The following EPHA6 variants were observed in gnomAD, a reference collection of about 807,000 sequenced individuals.
EPHA6 encodes EPH receptor A6.
Under a neutral mutation model 112.0 loss-of-function variants are expected in EPHA6, and 50 were observed. The ratio of observed to expected loss-of-function variants is 0.45; its 90% CI spans 0.36 to 0.56. The LOEUF (loss-of-function observed/expected upper bound fraction) is 0.56. Ranked by LOEUF, EPHA6 falls within the 20% of genes least tolerant of loss-of-function variation. The pLI is 0.00. For synonymous variants in EPHA6, 529 were observed against 490.7 expected (o/e 1.08, Z -1.03); for missense variants, 1,280 against 1,417.4 (o/e 0.90, Z 1.56).
intron 14 of EPHA6, among the ~76,000 whole-genome samples, chr3:97,687,513 T>C (rs2032342218): frequency 6.6e-6 from 1 of 152,222 alleles, no homozygotes; most frequent in African/African-American, 2.4e-5. Context: ...AGTCTCTATT[T>C]CAGAATGAGA....
chr3:97,310,627 T>C (rs948845435), intron 5 of EPHA6, among the ~76,000 whole-genome samples: 1 of 151,546 alleles, frequency 6.6e-6, no homozygotes, highest in Non-Finnish European at 1.5e-5. Flanking sequence ...GTCAGTTATC[T>C]CAAATGAGAG....
intron 11 of EPHA6, among the ~76,000 whole-genome samples, chr3:97,591,232 T>C (rs2093541465): frequency 6.6e-6 from 1 of 152,226 alleles, no homozygotes; most frequent in Non-Finnish European, 1.5e-5. Context: ...AACTTTGCTC[T>C]TTCATGAAAA....
At chr3:97,567,398 T>C (rs1010508001) in intron 11 of EPHA6, among the ~76,000 whole-genome samples, 2 of 152,072 alleles carry the variant, frequency 1.3e-5, no homozygotes, top group African/African-American at 4.8e-5. Context: ...AAAAAATCAA[T>C]GTTATCTATA....
chr3:97,115,998 C>T (rs1472956592), intron 3 of EPHA6, among the ~76,000 whole-genome samples: 1 of 151,626 alleles, frequency 6.6e-6, no homozygotes, highest in African/African-American at 2.4e-5. Context: ...ATTTTTGTCC[C>T]AAAGGCAAAC....
At chr3:97,577,139 T>C (rs2093394474) in intron 11 of EPHA6, among the ~76,000 whole-genome samples, 1 of 152,202 alleles carries the variant, frequency 6.6e-6, no homozygotes, top group African/African-American at 2.4e-5. Context: ...CCTCCCAAAA[T>C]GCTGGGACTA....
chr3:97,526,217 C>T (rs1157221687), intron 10 of EPHA6, among the ~76,000 whole-genome samples: 3 of 152,186 alleles, frequency 2.0e-5, no homozygotes, highest in Non-Finnish European at 4.4e-5. Flanking sequence ...CACTGTGGGA[C>T]ATGCCTTCTT....
intron 3 of EPHA6, among the ~76,000 whole-genome samples, chr3:97,191,394 T>G (rs550659058): frequency 5.9e-5 from 9 of 152,192 alleles, no homozygotes; most frequent in Admixed American, 5.9e-4. Context: ...CCTGTTGTGC[T>G]ATCAAATACT....
At chr3:97,633,374 C>T (rs1204405482) in intron 13 of EPHA6, among the ~76,000 whole-genome samples, 1 of 152,034 alleles carries the variant, frequency 6.6e-6, no homozygotes, top group Admixed American at 6.6e-5. Context: ...CACTCTCTTT[C>T]ATTTGAATCT....
intron 11 of EPHA6, among the ~76,000 whole-genome samples, chr3:97,550,575 A>T (rs2093015978): frequency 6.6e-6 from 1 of 152,180 alleles, no homozygotes; most frequent in South Asian, 2.1e-4. Flanking sequence ...CAAGGAAAAC[A>T]CTGGGAAGAC....
intron 3 of EPHA6, among the ~76,000 whole-genome samples, chr3:97,032,605 G>T (rs1224414910): frequency 6.6e-6 from 1 of 151,978 alleles, no homozygotes; most frequent in African/African-American, 2.4e-5. Context: ...GACCTTAAGA[G>T]TGGGCTTTTG....
At position 97,645,023 on chromosome 3, in the gene EPHA6, A is replaced by C. The variant is rs1036060457; in HGVS notation, c.2784+6941A>C. 4.6e-5 allele frequency among the ~76,000 whole-genome samples: 7 copies of C among 152,044 alleles called. 1 individual carries two copies. The highest frequency in any genetic ancestry group is 3.3e-4 in the Admixed American group (5 of 15,268). On this transcript the variant is annotated intron_variant, in intron 14 of 17. Transcript: ENST00000389672. ...AGACCAATATCCTTGATGAACATTG[A>C]TGCAAAAATCCTCAATAAAATACTG...
chr3:97,092,024 G>T (rs767823230), intron 3 of EPHA6, among the ~76,000 whole-genome samples: 1 of 150,296 alleles, frequency 6.7e-6, no homozygotes, highest in Non-Finnish European at 1.5e-5. Flanking sequence ...GGAACTTGGT[G>T]TACTGGAATA....
intron 5 of EPHA6, among the ~76,000 whole-genome samples, chr3:97,384,846 T>C (rs2085965906): frequency 1.3e-5 from 2 of 152,162 alleles, no homozygotes; most frequent in Admixed American, 1.3e-4. Context: ...TATCAACATC[T>C]TGAAGAACTC....
chr3:97,738,779 G>C (rs542119758), intron 16 of EPHA6, among the ~76,000 whole-genome samples: 1 of 152,062 alleles, frequency 6.6e-6, no homozygotes, highest in South Asian at 2.1e-4. Flanking sequence ...AAACCAAATT[G>C]AAGTTTTTGT....
chr3:97,056,107 C>T (rs1162502706), intron 3 of EPHA6, among the ~76,000 whole-genome samples: 1 of 152,030 alleles, frequency 6.6e-6, no homozygotes, highest in Admixed American at 6.6e-5. Context: ...TAGAGAAAAT[C>T]GAGATTAATG....
At chr3:97,564,077 A>G (rs2093227981) in intron 11 of EPHA6, among the ~76,000 whole-genome samples, 1 of 152,154 alleles carries the variant, frequency 6.6e-6, no homozygotes, top group South Asian at 2.1e-4. Context: ...AAGTGTGAAT[A>G]TGAAAAGCGT....
In EPHA6 at chr3:97,534,459, C is replaced by T. The variant is rs200474039; in HGVS notation, c.2386+1916C>T. ...TGTCTCACTTTAAAACCCACCCCCCCCTTTTTTTTTTTTTGCTTTTGCTAT... is the reference window on the plus strand; with the variant it reads ...TGTCTCACTTTAAAACCCACCCCCCTCTTTTTTTTTTTTTGCTTTTGCTAT... On this transcript the variant is annotated intron_variant, in intron 11 of 17. Transcript: ENST00000389672. 2.2e-3 allele frequency among the ~76,000 whole-genome samples: 336 copies of T among 149,686 alleles called. 5 individuals carry two copies. The highest frequency in any genetic ancestry group is 8.0e-3 in the African/African-American group (325 of 40,476).
intron 11 of EPHA6, among the ~76,000 whole-genome samples, chr3:97,583,268 G>C (rs1249941911): frequency 6.6e-6 from 1 of 151,892 alleles, no homozygotes; most frequent in Non-Finnish European, 1.5e-5. Context: ...GGCAGGGCGC[G>C]GTGGCTCATG....
At chr3:96,973,660 C>T (rs1305200396) in intron 2 of EPHA6, among the ~76,000 whole-genome samples, 2 of 150,476 alleles carry the variant, frequency 1.3e-5, no homozygotes, top group Non-Finnish European at 3.0e-5. Context: ...CCTGTCTCTA[C>T]TAAAAATACA....
Sources: gnomAD v4.1 joint callset for allele counts (sites outside exome capture counted in the v4.1 genomes callset) on GRCh38, gnomAD v4.1.1 for gene constraint, MANE v1.5 for transcripts, NCBI Gene and HGNC (gene_info 2026-07-23, HGNC 2026-07-21) for gene names.